The following ZP2 variants were observed in gnomAD, a reference collection of about 807,000 sequenced individuals.
The protein encoded by ZP2 is zona pellucida glycoprotein 2, also known as zona pellucida sperm-binding protein 2.
A neutral mutation model predicts 84.0 loss-of-function variants in ZP2; 51 were observed. The observed-to-expected ratio is 0.61, with a 90% CI of 0.49 to 0.77. The LOEUF is 0.77. Among genes scored for constraint, ZP2 ranks in the 30% least tolerant of loss-of-function variants. The pLI is 0.00. For synonymous variants in ZP2, 375 were observed against 330.9 expected (o/e 1.13, Z -1.45); for missense variants, 909 against 911.9 (o/e 1.00, Z 0.04).
At chr16:21,198,715 G>A (rs1268701806) in intron 17 of ZP2, 64 bp downstream of exon 17, 1 of 1,403,304 alleles carries the variant, frequency 7.1e-7, no homozygotes, top group Non-Finnish European at 1.0e-6. Flanking sequence ...TGTAAGCACT[G>A]ACCGCTTGGC....
intron 16 of ZP2, 104 bp from the exon 17 acceptor site, chr16:21,198,966 A>T: frequency 9.3e-7 from 1 of 1,075,596 alleles, no homozygotes; most frequent in Non-Finnish European, 1.4e-6. Context: ...TATTTTGTTC[A>T]TGTGGTTTGT....
chr16:21,198,043 C>T (rs1236986601), intron 17 of ZP2, 194 bp from the exon 18 acceptor site: 1 of 545,590 alleles, frequency 1.8e-6, no homozygotes, highest in South Asian at 2.6e-5. Flanking sequence ...CCTAATCTTG[C>T]TAGAAACATA....
At chr16:21,198,135 C>T (rs977633218) in intron 17 of ZP2, among the ~76,000 whole-genome samples, 1 of 149,508 alleles carries the variant, frequency 6.7e-6, no homozygotes, top group Admixed American at 6.7e-5. Context: ...TGGCTCACAC[C>T]TGTAATCCCA....
chr16:21,209,554 T>C, intron 4 of ZP2, 77 bp downstream of exon 4: 1 of 1,378,528 alleles, frequency 7.3e-7, no homozygotes, highest in Non-Finnish European at 1.0e-6. Context: ...AAAGAGAAAG[T>C]TCTTAGCCAA....
At position 21,204,096 on chromosome 16, in the gene ZP2, A is replaced by G. The variant is rs534671172; in HGVS notation, c.906T>C (p.Asn302=). The G allele has an allele frequency of 1.2e-5, 20 of 1,614,132 alleles. No individual in the cohort carries two copies. In the South Asian group the frequency reaches 1.4e-4, roughly 12 times the overall value. ...CATTTGTTGCTTCTAGATCAATTCC[A>G]TTGTCATGCAGCTGGCTCACATCAA... ...QNIDVSQLHD[N]GIDLEATNGM... The change falls in exon 9 of 19, where the codon AAT becomes AAC. Residue 302 remains asparagine (N), a synonymous_variant. Transcript: ENST00000574091.
Position 21,202,041 on chromosome 16 carries a change from G to C in ZP2, c.1288-18C>G. ...TCTTCGAACTTAAATGTCAGAGAAA[G>C]TGGGTTAGCAGCCAGTTATGTCAAA... On this transcript the variant is annotated intron_variant, in intron 11 of 18. Coordinates refer to ENST00000574091, the MANE Select transcript of ZP2 (RefSeq NM_001376232.1). The C allele has an allele frequency of 7.4e-6, 12 of 1,613,840 alleles. No individual in the cohort carries two copies. Among genetic ancestry groups the C allele is most frequent in the Non-Finnish European group, 1.0e-5 (12 of 1,179,760 alleles).
Position 21,211,387 on chromosome 16 carries a change from C to A in ZP2, c.71G>T (p.Arg24Met). 2 of 1,614,134 alleles carry A rather than the reference C, an allele frequency of 1.2e-6. No homozygotes were observed. Among genetic ancestry groups the A allele is most frequent in the South Asian group, 2.2e-5 (2 of 91,082 alleles). The change falls in exon 2 of 19, where the codon AGG becomes ATG. Residue 24 changes from arginine (R) to methionine (M), a missense_variant. Coordinates refer to ENST00000574091, the MANE Select transcript of ZP2 (RefSeq NM_001376232.1). ...GWFNAGWSTY[R>M]SISLFFALVT... is the part of the protein sequence containing the mutation. The stretch of plus-strand genomic sequence containing the variant: ...AAGGGCGAAGAAGAGAGAAATCGAC[C>A]TGTAGGTGCTGGAAAGAGACAGGGA...
chr16:21,198,885 G>A, intron 16 of ZP2, 23 bp from the exon 17 acceptor site: 1 of 1,608,170 alleles, frequency 6.2e-7, no homozygotes. Context: ...GATCAAGTTT[G>A]TGTTTGGCCT....
At chr16:21,210,241 A>T (rs1349488927) in intron 2 of ZP2, 49 bp from the exon 3 acceptor site, 3 of 1,452,666 alleles carry the variant, frequency 2.1e-6, no homozygotes, top group Non-Finnish European at 2.9e-6. Flanking sequence ...GAGTGATGCA[A>T]CTCCTACAAA....
upstream of ZP2, among the ~76,000 whole-genome samples, chr16:21,211,954 G>C (rs1480862121): frequency 6.8e-6 from 1 of 146,354 alleles, no homozygotes; most frequent in African/African-American, 2.6e-5. Flanking sequence ...TTGAGATTCA[G>C]TTTCACTCTG....
At chr16:21,203,861 C>T (rs565503755) in intron 9 of ZP2, 169 bp downstream of exon 9, 2 of 672,016 alleles carry the variant, frequency 3.0e-6, no homozygotes, top group East Asian at 2.7e-5. Flanking sequence ...ACTTTAGTTA[C>T]TTGATATTTC....
At chr16:21,211,448 C>G (rs2066755) in intron 1 of ZP2, 38 bp downstream of exon 1, 1 of 1,613,848 alleles carries the variant, frequency 6.2e-7, no homozygotes, top group East Asian at 2.2e-5. Flanking sequence ...ACAAACAAAG[C>G]TACCATACCC....
chr16:21,214,057 C>T (rs1228485992), upstream of ZP2, among the ~76,000 whole-genome samples: 4 of 151,882 alleles, frequency 2.6e-5, no homozygotes, highest in East Asian at 1.9e-4. Context: ...TTCTCCAGAG[C>T]GGGAAGTTTT....
Position 21,198,856 on chromosome 16 carries a change from C to T in ZP2, c.1934G>A (p.Gly645Glu). The change falls in exon 17 of 19, where the codon GGG becomes GAG. Residue 645 changes from glycine (G) to glutamate (E), a missense_variant. By Grantham distance (98) the Gly-to-Glu change is moderately conservative (BLOSUM62 -2). Coordinates refer to ENST00000574091, the MANE Select transcript of ZP2 (RefSeq NM_001376232.1). ...TGTCATTTTCTCTGCTTCAGTGGCC[C>T]CTGTGGCTGGAGACAGATGATCAAG... ...PVSSRHRRAT[G>E]ATEAEKMTVS... 1 of 1,613,792 alleles carries T rather than the reference C, an allele frequency of 6.2e-7. No homozygotes were observed. The highest frequency in any genetic ancestry group is 8.5e-7 in the Non-Finnish European group (1 of 1,179,902).
At position 21,204,322 on chromosome 16, in the gene ZP2, G is replaced by A. The variant is rs1293351330; in HGVS notation, c.776C>T (p.Ala259Val). The part of the protein sequence containing the change: ...PGQKVIFSSQ[A>V]ICAPDPVTCN... ...TGGGACCTTACCTGGTGCACAAATAGCTTGTGAAGAGAAGATCACCTTCTG... is the reference window on the plus strand; with the variant it reads ...TGGGACCTTACCTGGTGCACAAATAACTTGTGAAGAGAAGATCACCTTCTG... The change falls in exon 8 of 19, where the codon GCT (alanine) becomes GTT (valine). Residue 259 changes from alanine (A) to valine (V), a missense_variant. Physicochemically the swap from Ala to Val is moderately conservative, Grantham distance 64. Transcript: ENST00000574091. 1.2e-5 allele frequency: 19 copies of A among 1,613,944 alleles called. No homozygotes were observed. In the Admixed American group the frequency reaches 3.0e-4, roughly 25 times the overall value.
In ZP2 at chr16:21,211,534, T is replaced by G; in HGVS notation, c.14A>C (p.Gln5Pro). 1 of 1,614,172 alleles carries G rather than the reference T, an allele frequency of 6.2e-7. No homozygotes were observed. The highest frequency in any genetic ancestry group is 8.5e-7 in the Non-Finnish European group (1 of 1,180,034). Residue 5 changes from glutamine (Q) to proline (P), a missense_variant, in exon 1 of 19, where the codon CAG (glutamine) becomes CCG (proline). Transcript: ENST00000574091. MACR[Q>P]RGGSWSPSGW... ...TGAGGGACTCCAAGAGCCTCCTCTC[T>G]GCCTGCACGCCATAGCAGAAGACAC...
chr16:21,211,430 G>A (rs774913847), intron 1 of ZP2, 35 bp from the exon 2 acceptor site: 4 of 1,614,004 alleles, frequency 2.5e-6, no homozygotes, highest in African/African-American at 1.3e-5. Flanking sequence ...AAGGAAGAAT[G>A]GACTTTAACA....
chr16:21,205,833 C>T (rs2093247310), intron 5 of ZP2, 58 bp from the exon 6 acceptor site: 5 of 1,577,898 alleles, frequency 3.2e-6, no homozygotes, highest in South Asian at 1.1e-5. Flanking sequence ...TTTCCGAATT[C>T]ATGCCAGAAA....
chr16:21,213,992 C>T (rs1179992442), upstream of ZP2, among the ~76,000 whole-genome samples: 6 of 151,980 alleles, frequency 3.9e-5, no homozygotes, highest in Non-Finnish European at 7.4e-5. Flanking sequence ...TTCAGCCTCC[C>T]TCAGACCCCA....
Sources: allele counts gnomAD v4.1 joint callset (sites outside exome capture counted in the v4.1 genomes callset), GRCh38; gene constraint gnomAD v4.1.1; transcripts MANE v1.5; gene names NCBI Gene and HGNC (gene_info 2026-07-23, HGNC 2026-07-21).